Variants in ZFR2 observed in about 807,000 individuals in gnomAD.
ZFR2 encodes the protein zinc finger RNA binding protein 2, also known as zinc finger RNA-binding protein 2.
A neutral mutation model predicts 105.7 loss-of-function variants in ZFR2; 104 were observed. The ratio of observed to expected loss-of-function variants is 0.98; its 90% confidence interval spans 0.84 to 1.16. The LOEUF (loss-of-function observed/expected upper bound fraction) is 1.16. Ranked by LOEUF, ZFR2 falls within the 50% of genes most tolerant of loss-of-function variation. The probability of loss-of-function intolerance (pLI) is 0.00; values close to 1 mark genes in which losing one functional copy is unlikely to be tolerated. For synonymous variants in ZFR2, 634 were observed against 597.7 expected, an observed-to-expected ratio of 1.06 and a Z score of -0.89; for missense variants, 1,425 against 1,355.5, an observed-to-expected ratio of 1.05 and a Z score of -0.80.
intron 1 of ZFR2, among the ~76,000 whole-genome samples, chr19:3,847,141 G>A (rs369613820): frequency 6.6e-6 from 1 of 152,198 alleles, no homozygotes; most frequent in African/African-American, 2.4e-5. Context: ...GCTTCCTCCA[G>A]AGCAAGGGAT....
At chr19:3,864,375 CACAAACAA>C (rs58613356) in intron 1 of ZFR2, among the ~76,000 whole-genome samples, 20,711 of 151,338 alleles carry the variant, frequency 0.14, 1,682 homozygotes, top group Admixed American at 0.24. Context: ...GATCCTGTCT[CACAAACAA>C]ACAAACAAAC....
chr19:3,841,809 CAG>C (rs1293066981), intron 1 of ZFR2, among the ~76,000 whole-genome samples: 1 of 151,650 alleles, frequency 6.6e-6, no homozygotes, highest in Admixed American at 6.6e-5. Context: ...TGTATTGAGA[CAG>C]AGTCTCACTC....
At chr19:3,812,609 C>T (rs563368683) in intron 14 of ZFR2, among the ~76,000 whole-genome samples, 5 of 152,154 alleles carry the variant, frequency 3.3e-5, no homozygotes, top group East Asian at 1.9e-4. Flanking sequence ...CCCACAACCG[C>T]GCCACTCCCC....
intron 1 of ZFR2, among the ~76,000 whole-genome samples, chr19:3,861,882 C>T (rs1017630185): frequency 2.0e-5 from 3 of 152,108 alleles, no homozygotes; most frequent in Non-Finnish European, 2.9e-5. Flanking sequence ...GCCGAGATCG[C>T]GCCATTGCAC....
intron 1 of ZFR2, among the ~76,000 whole-genome samples, chr19:3,868,347 C>A (rs1035881294): frequency 9.3e-5 from 14 of 150,154 alleles, no homozygotes; most frequent in Non-Finnish European, 1.5e-5. Context: ...GGCCAGGCAC[C>A]CTCCCAGGTC....
chr19:3,859,469 AG>A (rs2038346396), intron 1 of ZFR2, among the ~76,000 whole-genome samples: 1 of 152,176 alleles, frequency 6.6e-6, no homozygotes, highest in South Asian at 2.1e-4. Context: ...CCTTTCATGG[AG>A]ACCTCTATCC....
intron 10 of ZFR2, 44 bp downstream of exon 10, chr19:3,821,296 C>T: frequency 6.6e-7 from 1 of 1,515,582 alleles, no homozygotes; most frequent in South Asian, 1.2e-5. Flanking sequence ...GCTGGACCTG[C>T]CCTCCCTCAC....
intron 1 of ZFR2, among the ~76,000 whole-genome samples, chr19:3,836,333 A>T (rs1402414083): frequency 2.6e-5 from 4 of 152,010 alleles, no homozygotes; most frequent in Non-Finnish European, 5.9e-5. Context: ...TAAAAAAAAA[A>T]TTTGTTTTTG....
intron 7 of ZFR2, 109 bp downstream of exon 7, chr19:3,825,121 C>A: frequency 3.0e-6 from 4 of 1,312,840 alleles, no homozygotes; most frequent in African/African-American, 1.5e-5. Flanking sequence ...CTCACCACCC[C>A]CCGGGAAGAC....
At chr19:3,815,277 A>C (rs1281503842) in intron 13 of ZFR2, among the ~76,000 whole-genome samples, 1 of 151,932 alleles carries the variant, frequency 6.6e-6, no homozygotes, top group Non-Finnish European at 1.5e-5. Context: ...TTTAGTACAG[A>C]TGGGGTTTTA....
chr19:3,811,014 A>G (rs2037757918), intron 15 of ZFR2, among the ~76,000 whole-genome samples, 169 bp from the exon 16 acceptor site: 1 of 152,196 alleles, frequency 6.6e-6, no homozygotes, highest in South Asian at 2.1e-4. Context: ...CGGTGCCACC[A>G]GGCTGTTGAG....
chr19:3,862,595 G>A (rs2038385660), intron 1 of ZFR2, among the ~76,000 whole-genome samples: 1 of 152,104 alleles, frequency 6.6e-6, no homozygotes, highest in Admixed American at 6.6e-5. Flanking sequence ...ACCGTGCCTG[G>A]CCTAACTTTT....
intron 14 of ZFR2, among the ~76,000 whole-genome samples, chr19:3,812,116 A>G (rs1162241429): frequency 1.3e-5 from 2 of 151,268 alleles, no homozygotes; most frequent in African/African-American, 4.9e-5. Context: ...GCTAATTTTT[A>G]TATTTTTAGT....
chr19:3,831,633 C>T (rs911072643), intron 4 of ZFR2, 27 bp downstream of exon 4: 3 of 1,522,508 alleles, frequency 2.0e-6, no homozygotes, highest in African/African-American at 1.4e-5. Flanking sequence ...ACGGGCAGAC[C>T]ACCTGGGCAA....
chr19:3,812,479 G>A (rs1333592130), intron 14 of ZFR2, among the ~76,000 whole-genome samples: 1 of 152,074 alleles, frequency 6.6e-6, no homozygotes, highest in Non-Finnish European at 1.5e-5. Context: ...TTTCCTGGGG[G>A]GCGGCTCACG....
chr19:3,840,304 C>A (rs2038122281), intron 1 of ZFR2, among the ~76,000 whole-genome samples: 1 of 149,894 alleles, frequency 6.7e-6, no homozygotes, highest in Admixed American at 6.6e-5. Flanking sequence ...ATGGTGTGAT[C>A]TCGGCTCACA....
In ZFR2 at chr19:3,834,557, A is replaced by G. The variant is rs1363053262; in HGVS notation, c.264+216T>C. On this transcript the variant is annotated intron_variant, in intron 2 of 18. Coordinates refer to ENST00000262961, the MANE Select transcript of ZFR2 (RefSeq NM_015174.2). This position sits in a 1 kb window ranked among gnomAD's most constrained non-coding sequence, Gnocchi z 5.3. ...CCACTGCCCCGACGTGGAGGTACGC[A>G]TGCGGCCTGTCCCCGAGAGCAGTGG... 6.6e-6 allele frequency among the ~76,000 whole-genome samples: 1 copy of G among 152,086 alleles called. No individual in the cohort carries two copies. Among genetic ancestry groups the G allele is most frequent in the South Asian group, 2.1e-4 (1 of 4,808 alleles).
intron 3 of ZFR2, among the ~76,000 whole-genome samples, chr19:3,832,628 G>GCT (rs1555756318): frequency 1.6e-4 from 23 of 143,448 alleles, no homozygotes; most frequent in Non-Finnish European, 2.7e-4. Context: ...CCTTTATTTT[G>GCT]TTTTTTTTTT....
At chr19:3,840,245 CT>C (rs35809815) in intron 1 of ZFR2, among the ~76,000 whole-genome samples, 118 of 144,846 alleles carry the variant, frequency 8.1e-4, no homozygotes, top group South Asian at 2.0e-3. Context: ...GCTTGTTTTA[CT>C]TTTTTTTTTT....
Sources: allele counts gnomAD v4.1 joint callset (sites outside exome capture counted in the v4.1 genomes callset), GRCh38; gene constraint gnomAD v4.1.1; non-coding constraint Gnocchi (gnomAD v3.1); transcripts MANE v1.5; gene names NCBI Gene and HGNC (gene_info 2026-07-23, HGNC 2026-07-21).